The following TBC1D5 variants were observed in gnomAD, a reference collection of about 807,000 sequenced individuals.
TBC1D5 encodes the protein TBC1 domain family, member 5.
In TBC1D5, 75 loss-of-function variants were observed where a neutral mutation model predicts 100.3. The observed-to-expected ratio is 0.75, with a 90% confidence interval of 0.62 to 0.91. TBC1D5 has a LOEUF of 0.91. TBC1D5 is among the 40% of genes least tolerant of loss of function. TBC1D5 has a pLI of 0.00. For synonymous variants in TBC1D5, 323 were observed against 325.6 expected, an observed-to-expected ratio of 0.99 and a Z score of 0.09; for missense variants, 910 against 942.4, an observed-to-expected ratio of 0.97 and a Z score of 0.45.
chr3:17,249,424 A>G (rs1355962045), intron 16 of TBC1D5, among the ~76,000 whole-genome samples: 3 of 152,164 alleles, frequency 2.0e-5, no homozygotes, highest in African/African-American at 4.8e-5. Context: ...TATGGTTTGA[A>G]TATGTTTTCC....
chr3:17,544,932 A>C (rs547913399), intron 2 of TBC1D5, among the ~76,000 whole-genome samples: 48 of 152,278 alleles, frequency 3.2e-4, no homozygotes, highest in Admixed American at 1.5e-3. Flanking sequence ...ACAAATAGCT[A>C]TGGGTCCCTA....
rs968444692 is a variant in TBC1D5, at chr3:17,728,371, C to G, written c.-101+10972G>C. On this transcript the variant is annotated intron_variant, in intron 1 of 21. Transcript: ENST00000253692. Reference sequence around the variant, plus strand: ...TTGTAGGTATTTTCTACCTAGAAAACCAAAGAGAATCAACTGAAAAACTAT... The same window carrying G: ...TTGTAGGTATTTTCTACCTAGAAAAGCAAAGAGAATCAACTGAAAAACTAT... Among the ~76,000 whole-genome samples the G allele has an allele frequency of 3.9e-5, 6 of 152,102 alleles. 1 individual carries two copies. Among genetic ancestry groups the G allele is most frequent in the Admixed American group, 3.9e-4 (6 of 15,276 alleles).
chr3:17,198,922 T>C (rs1393263932), intron 18 of TBC1D5, among the ~76,000 whole-genome samples: 1 of 152,224 alleles, frequency 6.6e-6, no homozygotes, highest in Admixed American at 6.5e-5. Flanking sequence ...TTCTAACGTA[T>C]GGTCGGGAAT....
At chr3:17,410,111 A>T (rs2093883165) in intron 4 of TBC1D5, among the ~76,000 whole-genome samples, 1 of 152,144 alleles carries the variant, frequency 6.6e-6, no homozygotes, top group Non-Finnish European at 1.5e-5. Flanking sequence ...AGGATAATGC[A>T]GCTGGTGACT....
At chr3:17,463,141 A>G (rs2095244337) in intron 3 of TBC1D5, among the ~76,000 whole-genome samples, 1 of 152,182 alleles carries the variant, frequency 6.6e-6, no homozygotes, top group African/African-American at 2.4e-5. Flanking sequence ...TTCTGCTTCT[A>G]AGTTCCATTT....
intron 15 of TBC1D5, among the ~76,000 whole-genome samples, chr3:17,262,478 GTT>G (rs746293280): frequency 0.28 from 32,548 of 114,394 alleles, 3,318 homozygotes; most frequent in Middle Eastern, 0.36. Flanking sequence ...CCAAAACAAT[GTT>G]TTTTTTTTTT....
intron 3 of TBC1D5, among the ~76,000 whole-genome samples, chr3:17,508,210 G>A (rs1250820002): frequency 6.6e-6 from 1 of 152,288 alleles, no homozygotes; most frequent in Middle Eastern, 3.4e-3. Context: ...TTATGCTGAA[G>A]TCATTGTTCA....
At chr3:17,736,107 T>A (rs2076945992) in intron 1 of TBC1D5, among the ~76,000 whole-genome samples, 1 of 152,148 alleles carries the variant, frequency 6.6e-6, no homozygotes, top group African/African-American at 2.4e-5. Context: ...GGGTATGAGC[T>A]GAGTTACAAG....
At chr3:17,435,063 C>T (rs971073573) in intron 3 of TBC1D5, among the ~76,000 whole-genome samples, 7 of 152,194 alleles carry the variant, frequency 4.6e-5, no homozygotes, top group Admixed American at 2.6e-4. Context: ...TCAGCCTGGA[C>T]TTTATTGTCC....
chr3:17,210,025 T>C (rs2072743120), intron 18 of TBC1D5, among the ~76,000 whole-genome samples: 1 of 152,126 alleles, frequency 6.6e-6, no homozygotes, highest in African/African-American at 2.4e-5. Flanking sequence ...CTCCTTAGTT[T>C]ATGTCCTCAT....
intron 9 of TBC1D5, among the ~76,000 whole-genome samples, chr3:17,379,967 GA>G (rs1365837205): frequency 4.0e-5 from 6 of 151,846 alleles, no homozygotes; most frequent in Non-Finnish European, 8.8e-5. Flanking sequence ...CACAGAAAGT[GA>G]AACTGCAGGT....
intron 3 of TBC1D5, among the ~76,000 whole-genome samples, chr3:17,487,034 T>C (rs1041075027): frequency 4.6e-5 from 7 of 152,208 alleles, no homozygotes; most frequent in African/African-American, 9.6e-5. Flanking sequence ...TGATAGTTAA[T>C]TCTACAACGG....
intron 19 of TBC1D5, among the ~76,000 whole-genome samples, chr3:17,181,354 A>G (rs1157915195): frequency 1.3e-5 from 2 of 152,216 alleles, no homozygotes; most frequent in Non-Finnish European, 2.9e-5. Context: ...AGAGTCTCTC[A>G]GATTCTTCCC....
chr3:17,259,725 G>A (rs78111207), intron 15 of TBC1D5, among the ~76,000 whole-genome samples: 74 of 151,544 alleles, frequency 4.9e-4, no homozygotes, highest in South Asian at 1.0e-3. Context: ...GGGGGGTTGC[G>A]GGGGGATATA....
At position 17,379,054 on chromosome 3, in the gene TBC1D5, C is replaced by T. The variant is rs111229499; in HGVS notation, c.613-2441G>A. On this transcript the variant is annotated intron_variant, in intron 9 of 21. Transcript: ENST00000253692. ...CAATAACTGTACCATTATAAAGATT[C>T]GACCTTTAAAATATTCTAATATTTC... 6.9e-3 allele frequency among the ~76,000 whole-genome samples: 1,045 copies of T among 151,300 alleles called. 12 individuals are homozygous for T. Among genetic ancestry groups the T allele is most frequent in the African/African-American group, 0.024 (999 of 41,308 alleles).
At chr3:17,421,582 T>C (rs558933062) in intron 4 of TBC1D5, among the ~76,000 whole-genome samples, 1 of 152,102 alleles carries the variant, frequency 6.6e-6, no homozygotes, top group Middle Eastern at 3.4e-3. Context: ...AAAAGAAATT[T>C]TAGAAAAGAG....
intron 1 of TBC1D5, among the ~76,000 whole-genome samples, chr3:17,714,961 T>A (rs1368158546): frequency 6.6e-6 from 1 of 152,086 alleles, no homozygotes; most frequent in East Asian, 1.9e-4. Flanking sequence ...GAAATCCCAC[T>A]AGAGTTTAAG....
At chr3:17,410,916 G>A (rs2093906355) in intron 4 of TBC1D5, among the ~76,000 whole-genome samples, 1 of 152,172 alleles carries the variant, frequency 6.6e-6, no homozygotes, top group Non-Finnish European at 1.5e-5. Context: ...AATAAACTAA[G>A]TGAGAAAGCA....
intron 2 of TBC1D5, among the ~76,000 whole-genome samples, chr3:17,600,213 A>ATATGTTATGTTATGT (rs59063083): frequency 1.1e-4 from 17 of 151,026 alleles, no homozygotes; most frequent in African/African-American, 2.4e-4. Flanking sequence ...GATTCATATA[A>ATATGTTATGTTATGT]TATGTTATGT....
Sources: gnomAD v4.1 joint callset for allele counts (sites outside exome capture counted in the v4.1 genomes callset) on GRCh38, gnomAD v4.1.1 for gene constraint, MANE v1.5 for transcripts, NCBI Gene and HGNC (gene_info 2026-07-23, HGNC 2026-07-21) for gene names.